Variants in CTNND1 observed in about 807,000 individuals in gnomAD.
The protein encoded by CTNND1 is catenin delta 1, also known as catenin delta-1.
In CTNND1, 16 loss-of-function variants were observed where a neutral mutation model predicts 112.1. The observed-to-expected ratio is 0.14, with a 90% confidence interval of 0.10 to 0.22. The LOEUF (loss-of-function observed/expected upper bound fraction) is 0.22, where lower values mean the gene tolerates loss of function less well. Among genes scored for constraint, CTNND1 ranks in the 10% least tolerant of loss-of-function variants. The pLI, the probability that CTNND1 is intolerant of heterozygous loss-of-function variation, is 1.00. For missense variants in CTNND1, 1,008 were observed against 1,257.0 expected (o/e 0.80, Z 3.00); for synonymous variants, 420 against 446.5 (o/e 0.94, Z 0.75).
chr11:57,814,095 A>C (rs897902945), intron 17 of CTNND1: 1 of 499,634 alleles, frequency 2.0e-6, no homozygotes, highest in Non-Finnish European at 3.6e-6. Flanking sequence ...TGGGAGAATC[A>C]CTTGAGCCCA....
intron 1 of CTNND1, among the ~76,000 whole-genome samples, chr11:57,776,941 C>T (rs901361465): frequency 1.3e-5 from 2 of 152,140 alleles, no homozygotes; most frequent in African/African-American, 4.8e-5. Context: ...CTAAAAGCTA[C>T]TATTTTTATC....
intron 9 of CTNND1, 57 bp from the exon 10 acceptor site, chr11:57,805,825 T>A (rs2062604040): frequency 1.3e-6 from 2 of 1,570,924 alleles, no homozygotes; most frequent in South Asian, 1.2e-5. Context: ...AACCTGTACT[T>A]GTGGAGAAAT....
intron 12 of CTNND1, 145 bp from the exon 13 acceptor site, chr11:57,808,020 A>G (rs573163894): frequency 1.3e-6 from 1 of 770,326 alleles, no homozygotes; most frequent in South Asian, 2.8e-5. Context: ...AGTTTGCTGT[A>G]GAGAGTGTGA....
chr11:57,777,461 G>A (rs554869215), intron 1 of CTNND1, among the ~76,000 whole-genome samples: 11 of 152,232 alleles, frequency 7.2e-5, no homozygotes, highest in African/African-American at 1.4e-4. Context: ...GTAGAGATGG[G>A]GTTTCACCAT....
Position 57,785,839 on chromosome 11 carries a change from G to A in CTNND1, c.-213-3198G>A, listed in dbSNP as rs1385458230. ...TGGGATTACAGGCTTGAGCCACCAC[G>A]CCCGGCCGGTAAGTGATTTTTTTGT... On this transcript the variant is annotated intron_variant, in intron 1 of 20. Transcript: ENST00000399050. Among the ~76,000 whole-genome samples, 5 of 151,900 alleles carry A rather than the reference G, an allele frequency of 3.3e-5. No homozygotes were observed. The South Asian group carries it at 8.4e-4, about 25-fold the overall frequency.
In CTNND1 at chr11:57,796,519, C is replaced by T. The variant is rs10896644; in HGVS notation, c.483C>T (p.Asp161=). 0.4 allele frequency: 643,499 copies of T among 1,613,480 alleles called. 133,479 individuals are homozygous for T. Among genetic ancestry groups the T allele is most frequent in the Middle Eastern group, 0.44 (2,696 of 6,060 alleles). The part of the protein sequence containing the change: ...RTVQPVAMGP[D]GLPVDASSVS... ...TACAGCCAGTCGCTATGGGACCAGA[C>T]GGGTTGCCTGTGGATGCTTCATCAG... The change falls in exon 6 of 21, where the codon GAC becomes GAT. Residue 161 remains aspartate (D), a synonymous_variant. Coordinates refer to ENST00000399050, the MANE Select transcript of CTNND1 (RefSeq NM_001085458.2).
At chr11:57,778,797 G>C (rs138196438) in intron 1 of CTNND1, among the ~76,000 whole-genome samples, 175 of 152,280 alleles carry the variant, frequency 1.1e-3, no homozygotes, top group African/African-American at 4.0e-3. Flanking sequence ...GAACAGAGAG[G>C]GTCGATGTCT....
At chr11:57,769,352 G>T (rs1426495620) in intron 1 of CTNND1, among the ~76,000 whole-genome samples, 1 of 151,606 alleles carries the variant, frequency 6.6e-6, no homozygotes, top group Admixed American at 6.6e-5. Context: ...ACAGAGTCTT[G>T]GTATGTTGCC....
intron 17 of CTNND1, among the ~76,000 whole-genome samples, chr11:57,812,738 A>G (rs184730854): frequency 2.8e-4 from 43 of 151,652 alleles, no homozygotes; most frequent in African/African-American, 1.0e-3. Context: ...CTGGTCTTGA[A>G]CTCCTGGGGT....
At chr11:57,780,462 C>T (rs2059457512) in intron 1 of CTNND1, among the ~76,000 whole-genome samples, 1 of 152,126 alleles carries the variant, frequency 6.6e-6, no homozygotes, top group South Asian at 2.1e-4. Flanking sequence ...CTACTTACTA[C>T]TAGTTGATGA....
Position 57,816,582 on chromosome 11 carries a change from GAT to G in CTNND1, c.*275_*276del, listed in dbSNP as rs2064006221. 1.8e-6 allele frequency: 1 copy of G among 541,696 alleles called. No individual in the cohort carries two copies. Among genetic ancestry groups the G allele is most frequent in the Non-Finnish European group, 3.3e-6 (1 of 302,778 alleles). The allele number at this position is 541,696 out of a possible 1,614,324, so 33.6% of individuals were successfully genotyped here. ...TTGCATATTTTGAGAAACTGCTGCA[GAT>G]TAGTTCTTTTTGCCAGTTTTCCCTG... On this transcript the variant is annotated 3_prime_UTR_variant, in exon 21 of 21. Coordinates refer to ENST00000399050, the MANE Select transcript of CTNND1 (RefSeq NM_001085458.2).
At position 57,815,456 on chromosome 11, in the gene CTNND1, GA is replaced by G; in HGVS notation, c.2765del (p.Asp922ValfsTer2). ...DHNRTLDRSG[D>X]LGDMEPLKGT... The stretch of plus-strand genomic sequence containing the variant: ...CAATAGAACACTGGATCGATCGGGG[GA>G]TCTAGGCGACATGGAGCCATTGAAG... On this transcript the variant is annotated frameshift_variant, in exon 19 of 21. Coordinates refer to ENST00000399050, the MANE Select transcript of CTNND1 (RefSeq NM_001085458.2). LOFTEE classifies it high-confidence loss of function. 1 of 1,612,796 alleles carries G rather than the reference GA, an allele frequency of 6.2e-7. No homozygotes were observed. Among genetic ancestry groups the G allele is most frequent in the Non-Finnish European group, 8.5e-7 (1 of 1,179,408 alleles).
chr11:57,769,271 G>A (rs1951956792), intron 1 of CTNND1, among the ~76,000 whole-genome samples: 1 of 151,464 alleles, frequency 6.6e-6, no homozygotes, highest in Non-Finnish European at 1.5e-5. Flanking sequence ...GCAGTGAGCC[G>A]ATATCATGTC....
intron 1 of CTNND1, among the ~76,000 whole-genome samples, chr11:57,772,904 T>C (rs896195280): frequency 6.6e-6 from 1 of 152,080 alleles, no homozygotes; most frequent in Non-Finnish European, 1.5e-5. Flanking sequence ...TTTTTAGCCC[T>C]GGCTCTTAAC....
At position 57,764,775 on chromosome 11, in the gene CTNND1, CT is replaced by C. The variant is rs1310246219; in HGVS notation, c.-214+2657del. On this transcript the variant is annotated intron_variant, in intron 1 of 20. Coordinates refer to ENST00000399050, the MANE Select transcript of CTNND1 (RefSeq NM_001085458.2). ...ACTACAAAGTCCATGGACTTAACCA[CT>C]AATATACTGCCATTCTCCAGAGAGA... is the stretch of plus-strand genomic sequence containing the variant. Among the ~76,000 whole-genome samples, 11 of 152,256 alleles carry C rather than the reference CT, an allele frequency of 7.2e-5. No homozygotes were observed. In the South Asian group the frequency reaches 1.0e-3, roughly 14 times the overall value.
intron 1 of CTNND1, among the ~76,000 whole-genome samples, chr11:57,780,833 T>C (rs1321443760): frequency 6.6e-6 from 1 of 152,244 alleles, no homozygotes; most frequent in African/African-American, 2.4e-5. Flanking sequence ...TGTGTAAATC[T>C]GGCTCAATTA....
intron 3 of CTNND1, among the ~76,000 whole-genome samples, chr11:57,792,618 C>A (rs1308603289): frequency 6.6e-6 from 1 of 152,154 alleles, no homozygotes; most frequent in African/African-American, 2.4e-5. Flanking sequence ...GCAACGTTCG[C>A]CTCCCGGGTT....
intron 4 of CTNND1, among the ~76,000 whole-genome samples, chr11:57,794,457 G>A (rs1178052552): frequency 6.6e-6 from 1 of 152,098 alleles, no homozygotes; most frequent in Non-Finnish European, 1.5e-5. Context: ...GTCAAAAGAT[G>A]GCTCTTACTG....
Position 57,791,656 on chromosome 11 carries a change from C to A in CTNND1, c.178C>A (p.Leu60Ile). The change falls in exon 3 of 21, where the codon CTC (leucine) becomes ATC (isoleucine). Residue 60 changes from leucine to isoleucine, a missense_variant. This residue lies in a region of CTNND1 where 404 missense variants were observed against 457.9 expected (regional missense o/e 0.88). Transcript: ENST00000399050. Reference protein sequence around the residue: ...DANPLMANGTLTRRHQNGRFV... With the variant: ...DANPLMANGTITRRHQNGRFV... The stretch of plus-strand genomic sequence containing the variant: ...CAACCCACTCATGGCCAACGGCACA[C>A]TCACCCGCCGGCATCAGGTAACCCC... The A allele has an allele frequency of 6.3e-7, 1 of 1,575,408 alleles. No individual in the cohort carries two copies. Among genetic ancestry groups the A allele is most frequent in the Non-Finnish European group, 8.6e-7 (1 of 1,156,786 alleles).
Sources: allele counts gnomAD v4.1 joint callset (sites outside exome capture counted in the v4.1 genomes callset), GRCh38; gene constraint gnomAD v4.1.1; regional missense constraint gnomAD v4.1.1; transcripts MANE v1.5; gene names NCBI Gene and HGNC (gene_info 2026-07-23, HGNC 2026-07-21).